USP47: variants seen among roughly 807,000 people sequenced by gnomAD.
USP47 encodes the protein ubiquitin specific peptidase 47.
USP47 carries 35 observed loss-of-function variants against 165.1 expected under a neutral mutation model. The observed-to-expected ratio is 0.21, with a 90% CI of 0.16 to 0.28. The LOEUF (loss-of-function observed/expected upper bound fraction) is 0.28, where lower values mean the gene tolerates loss of function less well. Among genes scored for constraint, USP47 ranks in the 10% least tolerant of loss-of-function variants. The pLI is 1.00. For synonymous variants in USP47, 531 were observed against 544.5 expected, an observed-to-expected ratio of 0.98 and a Z score of 0.35; for missense variants, 1,277 against 1,607.4, an observed-to-expected ratio of 0.79 and a Z score of 3.52.
At chr11:11,922,941 A>G in intron 11 of USP47, 50 bp downstream of exon 11, 2 of 1,550,406 alleles carry the variant, frequency 1.3e-6, no homozygotes, top group Non-Finnish European at 8.8e-7. Context: ...ATAATCTCTG[A>G]CTTCCTATAT....
At chr11:11,928,470 CTTGAAAG>C (rs1386554018) in intron 11 of USP47, among the ~76,000 whole-genome samples, 4 of 151,938 alleles carry the variant, frequency 2.6e-5, no homozygotes, top group Non-Finnish European at 5.9e-5. Flanking sequence ...ATTAGAATTT[CTTGAAAG>C]TTATAGAAGG....
intron 18 of USP47, 72 bp downstream of exon 18, chr11:11,938,444 T>C: frequency 2.7e-6 from 3 of 1,117,762 alleles, no homozygotes; most frequent in Middle Eastern, 2.7e-4. Context: ...ATGTGACAGT[T>C]ATGAATAAGA....
chr11:11,918,418 T>G (rs1051236267), intron 8 of USP47, among the ~76,000 whole-genome samples: 2 of 152,122 alleles, frequency 1.3e-5, no homozygotes, highest in Non-Finnish European at 2.9e-5. Flanking sequence ...TTGACAGAAT[T>G]GGAATATGGC....
At chr11:11,928,335 TTAA>T (rs1199380583) in intron 11 of USP47, among the ~76,000 whole-genome samples, 1 of 152,094 alleles carries the variant, frequency 6.6e-6, no homozygotes, top group African/African-American at 2.4e-5. Flanking sequence ...ACCACTGTAA[TTAA>T]TTTTAGTTTT....
Position 11,943,007 on chromosome 11 carries a change from G to A in USP47, c.2986G>A (p.Asp996Asn). Residue 996 changes from aspartate (D) to asparagine (N), a missense_variant, in exon 20 of 28, where the codon GAT becomes AAT. Transcript: ENST00000527733. The stretch of plus-strand genomic sequence containing the variant: ...TACAGCAGAAGAAGACTCTGGAACT[G>A]ATAGTGAATATGATGAGAGTGGCAA... ...WDTAEEDSGT[D>N]SEYDESGKSR... 1 of 1,613,622 alleles carries A rather than the reference G, an allele frequency of 6.2e-7. No individual in the cohort carries two copies. The highest frequency in any genetic ancestry group is 1.3e-5 in the African/African-American group (1 of 75,012).
At chr11:11,934,189 G>T (rs931217357) in intron 16 of USP47, among the ~76,000 whole-genome samples, 1 of 152,008 alleles carries the variant, frequency 6.6e-6, no homozygotes, top group African/African-American at 2.4e-5. Flanking sequence ...ATGTTTATTT[G>T]CTCTTTCTAT....
At chr11:11,945,640 TAAG>T (rs1435104321) in intron 20 of USP47, among the ~76,000 whole-genome samples, 1 of 150,008 alleles carries the variant, frequency 6.7e-6, no homozygotes, top group Non-Finnish European at 1.5e-5. Flanking sequence ...CCGCTTCACT[TAAG>T]AAATTCGTAA....
At chr11:11,850,022 C>CT (rs1476240291) in intron 1 of USP47, among the ~76,000 whole-genome samples, 1 of 151,944 alleles carries the variant, frequency 6.6e-6, no homozygotes, top group Non-Finnish European at 1.5e-5. Flanking sequence ...TTGAAACTTT[C>CT]TTTTTTTCTC....
rs370452627 is a variant in USP47 at position 11,903,348 on chromosome 11, T to G, written c.819+6T>G. ...AATGGAAGCAAACAGAACAGGTAAT[T>G]TATATCTCTCAAATCAAGGGGACTG... On this transcript the variant is annotated splice_donor_region_variant and intron_variant, in intron 7 of 27. Transcript: ENST00000527733. 4.3e-6 allele frequency: 7 copies of G among 1,609,562 alleles called. No homozygotes were observed. The highest frequency in any genetic ancestry group is 5.9e-6 in the Non-Finnish European group (7 of 1,177,118).
chr11:11,868,166 A>G (rs1454693583), intron 1 of USP47, among the ~76,000 whole-genome samples: 1 of 152,214 alleles, frequency 6.6e-6, no homozygotes, highest in East Asian at 1.9e-4. Flanking sequence ...ACTAATGGTA[A>G]CACCTTATGG....
At chr11:11,955,417 C>T (rs969413727) in intron 27 of USP47, among the ~76,000 whole-genome samples, 4 of 152,128 alleles carry the variant, frequency 2.6e-5, no homozygotes, top group African/African-American at 9.7e-5. Flanking sequence ...CATTACATGT[C>T]ATCAGTATAA....
chr11:11,948,842 C>T (rs1318642977), intron 22 of USP47: 1 of 299,164 alleles, frequency 3.3e-6, no homozygotes, highest in African/African-American at 2.1e-5. Flanking sequence ...CACTGTTTGT[C>T]ATCCCTGTGC....
chr11:11,930,076 T>G lies in USP47; in HGVS notation c.1551T>G (p.Gly517=). ...ITQEDIKKTH[G]GSSGSRGYYS... is the part of the protein sequence containing the mutation. ...AAGAGGACATTAAGAAAACACATGG[T>G]GGATCTTCAGGAAGCAGAGGATATT... The change falls in exon 13 of 28, where the codon GGT becomes GGG. Residue 517 remains glycine, a synonymous_variant. Transcript: ENST00000527733. The G allele has an allele frequency of 6.2e-7, 1 of 1,613,430 alleles. No homozygotes were observed. Among genetic ancestry groups the G allele is most frequent in the South Asian group, 1.1e-5 (1 of 91,058 alleles).
chr11:11,848,554 G>A (rs58769165), intron 1 of USP47, among the ~76,000 whole-genome samples: 3,988 of 151,774 alleles, frequency 0.026, 181 homozygotes, highest in African/African-American at 0.09. Flanking sequence ...CTGCCTAGGG[G>A]CAACTGCTTT....
intron 8 of USP47, among the ~76,000 whole-genome samples, chr11:11,908,819 T>C (rs1466063598): frequency 6.6e-6 from 1 of 152,198 alleles, no homozygotes; most frequent in East Asian, 1.9e-4. Context: ...GAAAGGCTCT[T>C]CTGCCATTCT....
chr11:11,920,975 T>C (rs1853794516), intron 10 of USP47, among the ~76,000 whole-genome samples: 1 of 151,856 alleles, frequency 6.6e-6, no homozygotes. Context: ...TTTTCCTTTT[T>C]TAGTTTTTTT....
intron 6 of USP47, 74 bp from the exon 7 acceptor site, chr11:11,903,189 T>C: frequency 7.0e-7 from 1 of 1,426,246 alleles, no homozygotes; most frequent in Non-Finnish European, 9.6e-7. Context: ...TTCTGTCTAT[T>C]TGCTTTTAAA....
chr11:11,949,777 C>T (rs1052281505), intron 22 of USP47, 112 bp from the exon 23 acceptor site: 14 of 672,244 alleles, frequency 2.1e-5, no homozygotes, highest in Non-Finnish European at 3.1e-5. Context: ...GACTCTGAAA[C>T]TCAGGCCCTT....
intron 1 of USP47, among the ~76,000 whole-genome samples, chr11:11,873,422 G>A (rs758693437): frequency 6.6e-6 from 1 of 152,076 alleles, no homozygotes; most frequent in African/African-American, 2.4e-5. Context: ...AGTAGCTGTC[G>A]TGAAAAATTC....
Sources: allele counts gnomAD v4.1 joint callset (sites outside exome capture counted in the v4.1 genomes callset), GRCh38; gene constraint gnomAD v4.1.1; transcripts MANE v1.5; gene names NCBI Gene and HGNC (gene_info 2026-07-23, HGNC 2026-07-21).